The following BAZ1A variants were observed in gnomAD, a reference collection of about 807,000 sequenced individuals.
The protein encoded by BAZ1A is bromodomain adjacent to zinc finger domain protein 1A.
BAZ1A carries 50 observed loss-of-function variants against 185.2 expected under a neutral mutation model. That is an observed-to-expected ratio of 0.27 (90% confidence interval 0.22 to 0.34). BAZ1A has a LOEUF of 0.34. BAZ1A is among the 10% of genes least tolerant of loss of function. The pLI, the probability that BAZ1A is intolerant of heterozygous loss-of-function variation, is 1.00. For synonymous variants in BAZ1A, 571 were observed against 615.6 expected, an observed-to-expected ratio of 0.93 and a Z score of 1.07; for missense variants, 1,356 against 1,839.9, an observed-to-expected ratio of 0.74 and a Z score of 4.81.
chr14:34,848,339 C>T (rs1594899682), intron 3 of BAZ1A, among the ~76,000 whole-genome samples: 1 of 152,242 alleles, frequency 6.6e-6, no homozygotes, highest in African/African-American at 2.4e-5. Context: ...GGTGTGGTGG[C>T]TCGTGCCTGT....
chr14:34,843,502 G>T (rs1332318620), intron 3 of BAZ1A, among the ~76,000 whole-genome samples: 1 of 152,098 alleles, frequency 6.6e-6, no homozygotes, highest in African/African-American at 2.4e-5. Context: ...GACATGTAAG[G>T]CTATCCTAGA....
At chr14:34,768,720 T>C (rs1054888378) in intron 21 of BAZ1A, 1 of 429,410 alleles carries the variant, frequency 2.3e-6, no homozygotes, top group Admixed American at 2.7e-5. Context: ...TCTTCCTCTC[T>C]CTTTTTCTTG....
intron 3 of BAZ1A, among the ~76,000 whole-genome samples, chr14:34,860,518 T>TAAAAAAAAAAAAAAAAAAAAAAAAAAA (rs397852116): frequency 1.4e-5 from 1 of 70,608 alleles, no homozygotes; most frequent in African/African-American, 6.3e-5. Context: ...TACCAAAAGT[T>TAAAAAAAAAAAAAAAAAAAAAAAAAAA]AAAAAAAAAA....
chr14:34,863,302 T>C (rs2042802512), intron 2 of BAZ1A, among the ~76,000 whole-genome samples: 1 of 151,758 alleles, frequency 6.6e-6, no homozygotes, highest in South Asian at 2.1e-4. Context: ...TAGCTGGGAT[T>C]ACAGGCATGT....
At chr14:34,839,296 A>G (rs1233798622) in intron 3 of BAZ1A, among the ~76,000 whole-genome samples, 2 of 152,190 alleles carry the variant, frequency 1.3e-5, no homozygotes. Context: ...CTGTAATCCC[A>G]GCACTTTGGG....
chr14:34,783,840 A>G lies in BAZ1A; in HGVS notation c.1919T>C (p.Ile640Thr), dbSNP rs1018259751. 46 of 1,613,672 alleles carry G rather than the reference A, an allele frequency of 2.9e-5. No homozygotes were observed. The highest frequency in any genetic ancestry group is 1.6e-4 in the Middle Eastern group (1 of 6,084). ...GAACTCCTGCTTTGCCTGTCGTAAT[A>G]TATCAACATAATCTTCAATAAAATC... ...TRDFIEDYVD[I>T]LRQAKQEFRE... Residue 640 changes from isoleucine (I) to threonine (T), a missense_variant, in exon 15 of 27, where the codon ATA (isoleucine) becomes ACA (threonine). Around this residue, in one of 7 missense-constraint regions of BAZ1A, gnomAD observed 184 missense variants for 355.1 expected, o/e 0.52. Transcript: ENST00000360310.
chr14:34,817,320 G>C (rs1281829965), intron 4 of BAZ1A, among the ~76,000 whole-genome samples: 2 of 152,198 alleles, frequency 1.3e-5, no homozygotes, highest in African/African-American at 4.8e-5. Flanking sequence ...GGGCACAGTG[G>C]CTCATGCCTG....
Position 34,780,247 on chromosome 14 carries a change from T to C in BAZ1A, c.2175A>G (p.Leu725=). ...CATCTTCAGTGACCATATCTTGATC[T>C]AATTCCTTTTGCTCTGTGTCTTTGC... ...IESKDTEQKE[L]DQDMVTEDED... Residue 725 remains leucine, a synonymous_variant, in exon 17 of 27, where the codon TTA becomes TTG. Transcript: ENST00000360310. 2 of 1,613,744 alleles carry C rather than the reference T, an allele frequency of 1.2e-6. No individual in the cohort carries two copies. Among genetic ancestry groups the C allele is most frequent in the Non-Finnish European group, 1.7e-6 (2 of 1,179,814 alleles).
chr14:34,857,005 TTTTTC>T (rs1466713469), intron 3 of BAZ1A, among the ~76,000 whole-genome samples: 6 of 150,910 alleles, frequency 4.0e-5, no homozygotes, highest in African/African-American at 1.5e-4. Flanking sequence ...TTCTGCATCT[TTTTTC>T]TTTTTTTTTT....
intron 3 of BAZ1A, among the ~76,000 whole-genome samples, chr14:34,852,393 C>G (rs531263192): frequency 1.3e-5 from 2 of 152,186 alleles, no homozygotes; most frequent in South Asian, 4.1e-4. Context: ...CTAAGGCGGA[C>G]AGATCACATG....
chr14:34,771,593 C>T lies in BAZ1A; in HGVS notation c.3219G>A (p.Val1073=). 1 of 1,613,964 alleles carries T rather than the reference C, an allele frequency of 6.2e-7. No homozygotes were observed. Among genetic ancestry groups the T allele is most frequent in the Non-Finnish European group, 8.5e-7 (1 of 1,179,856 alleles). The part of the protein sequence containing the change: ...VSTNASTPQS[V]SSVVHYLAMA... Reference sequence around the variant, plus strand: ...TTGCCAGATAATGAACCACACTGCTCACTGATTGTGGTGTACTTGCATTTG... The same window carrying T: ...TTGCCAGATAATGAACCACACTGCTTACTGATTGTGGTGTACTTGCATTTG... The change falls in exon 21 of 27, where the codon GTG becomes GTA. Residue 1073 remains valine, a synonymous_variant. Coordinates refer to ENST00000360310, the MANE Select transcript of BAZ1A (RefSeq NM_013448.3).
chr14:34,804,838 T>C (rs1226528091), intron 6 of BAZ1A, among the ~76,000 whole-genome samples: 1 of 152,226 alleles, frequency 6.6e-6, no homozygotes, highest in East Asian at 1.9e-4. Context: ...ACCCACATCT[T>C]TGTGTACTTG....
chr14:34,765,713 G>T (rs1028849430), intron 21 of BAZ1A, among the ~76,000 whole-genome samples: 3 of 152,020 alleles, frequency 2.0e-5, no homozygotes, highest in African/African-American at 7.2e-5. Flanking sequence ...TAAAATTGTG[G>T]TAAGTAAAAA....
chr14:34,780,132 T>C, intron 17 of BAZ1A, 54 bp downstream of exon 17: 1 of 1,601,676 alleles, frequency 6.2e-7, no homozygotes, highest in Non-Finnish European at 8.5e-7. Context: ...AATAAAGTGC[T>C]TTATTGGTTA....
chr14:34,780,203 T>C lies in BAZ1A; in HGVS notation c.2219A>G (p.His740Arg). 6 of 1,613,436 alleles carry C rather than the reference T, an allele frequency of 3.7e-6. No individual in the cohort carries two copies. The highest frequency in any genetic ancestry group is 5.1e-6 in the Non-Finnish European group (6 of 1,179,756). ...AGTATTACCCCTTCTGCCTCTTTTATGTGATCCTGGGTCATCTTCATCTTC... is the reference window on the plus strand; with the variant it reads ...AGTATTACCCCTTCTGCCTCTTTTACGTGATCCTGGGTCATCTTCATCTTC... ...VTEDEDDPGS[H>R]KRGRRGKRGQ... The change falls in exon 17 of 27, where the codon CAT becomes CGT. Residue 740 changes from histidine (H) to arginine (R), a missense_variant. Transcript: ENST00000360310.
intron 3 of BAZ1A, among the ~76,000 whole-genome samples, chr14:34,837,062 C>T (rs1222064748): frequency 1.3e-5 from 2 of 151,462 alleles, no homozygotes; most frequent in East Asian, 1.9e-4. Context: ...CATGAGCAAC[C>T]ATGCCTGGCC....
chr14:34,786,949 G>A (rs1281138649), intron 12 of BAZ1A, among the ~76,000 whole-genome samples: 2 of 151,856 alleles, frequency 1.3e-5, no homozygotes, highest in Non-Finnish European at 2.9e-5. Flanking sequence ...CAAAGTATAG[G>A]TTGTAGCCAT....
intron 11 of BAZ1A, 43 bp from the exon 12 acceptor site, chr14:34,792,964 G>A (rs764548501): frequency 1.3e-6 from 2 of 1,549,780 alleles, no homozygotes; most frequent in Non-Finnish European, 1.7e-6. Flanking sequence ...TTCTGTTCAT[G>A]TACTGAAAAA....
intron 3 of BAZ1A, among the ~76,000 whole-genome samples, chr14:34,858,264 A>C (rs1333715471): frequency 6.6e-6 from 1 of 152,168 alleles, no homozygotes; most frequent in Non-Finnish European, 1.5e-5. Flanking sequence ...AATTAAAAAA[A>C]AATTTTTTTT....
Sources: allele counts gnomAD v4.1 joint callset (sites outside exome capture counted in the v4.1 genomes callset), GRCh38; gene constraint gnomAD v4.1.1; regional missense constraint gnomAD v4.1.1; transcripts MANE v1.5; gene names NCBI Gene and HGNC (gene_info 2026-07-23, HGNC 2026-07-21).